NALF1: variants seen among roughly 807,000 people sequenced by gnomAD.
The protein encoded by NALF1 is NALCN channel auxiliary factor 1, also known as family with sequence similarity 155 member A.
In NALF1, 3 loss-of-function variants were observed where a neutral mutation model predicts 48.4. That is an observed-to-expected ratio of 0.06 (90% CI 0.03 to 0.16). NALF1 has a LOEUF of 0.16. Ranked by LOEUF, NALF1 falls within the 10% of genes least tolerant of loss-of-function variation. NALF1 has a pLI of 1.00. For missense variants in NALF1, 526 were observed against 571.5 expected, an observed-to-expected ratio of 0.92 and a Z score of 0.81; for synonymous variants, 262 against 245.7, an observed-to-expected ratio of 1.07 and a Z score of -0.62.
Position 107,866,788 on chromosome 13 carries a change from T to A in NALF1, c.-192A>T. 1 of 592,728 alleles carries A rather than the reference T, an allele frequency of 1.7e-6. No individual in the cohort carries two copies. Among genetic ancestry groups the A allele is most frequent in the East Asian group, 2.8e-5 (1 of 35,380 alleles). The allele number at this position is 592,728 out of a possible 1,614,324, so 36.7% of individuals were successfully genotyped here. A position where few individuals can be genotyped will look rare whatever the true frequency, so the allele number is the denominator to read the frequency against. ...TCTCTCTCCCTCTCCCTCTCTTTTA[T>A]CTCTCTCTGTCTCTTTTGCCTACAT... On this transcript the variant is annotated 5_prime_UTR_variant, in exon 1 of 3. Coordinates refer to ENST00000375915, the MANE Select transcript of NALF1 (RefSeq NM_001080396.3). This position sits in a 1 kb window ranked among gnomAD's most constrained non-coding sequence, Gnocchi z 4.4.
intron 1 of NALF1, among the ~76,000 whole-genome samples, 154 bp downstream of exon 1, chr13:107,865,528 C>T (rs1054623724): frequency 6.6e-6 from 1 of 152,056 alleles, no homozygotes; most frequent in African/African-American, 2.4e-5. Context: ...CAGGTATTCT[C>T]ATCTCAAACA....
chr13:107,866,360 CTG>C lies in NALF1; in HGVS notation c.235_236del (p.Gln79AlafsTer148), dbSNP rs1566511786. On this transcript the variant is annotated frameshift_variant, in exon 1 of 3. Coordinates refer to ENST00000375915, the MANE Select transcript of NALF1 (RefSeq NM_001080396.3). LOFTEE classifies it high-confidence loss of function. This position sits in a 1 kb window ranked among gnomAD's most constrained non-coding sequence, Gnocchi z 4.4. ...GCCTCTGCTGCTGCTGCTGCTGCTG[CTG>C]CTGCCGCTGCTGCTGCTGGTGCTCC... is the stretch of plus-strand genomic sequence containing the variant. ...DKEHQQQQRQ[Q>X]QQQQQQQRQR... 1 of 1,571,818 alleles carries C rather than the reference CTG, an allele frequency of 6.4e-7. No individual in the cohort carries two copies.
rs995232792 is a variant in NALF1 at position 107,600,484 on chromosome 13, T to A, written c.915+265198A>T. On this transcript the variant is annotated intron_variant, in intron 1 of 2. Transcript: ENST00000375915. Reference sequence around the variant, plus strand: ...AAATGGCCAGATATTCTAACTATGTTATTTTAATAAGGTTTTAATTCAATA... The same window carrying A: ...AAATGGCCAGATATTCTAACTATGTAATTTTAATAAGGTTTTAATTCAATA... Among the ~76,000 whole-genome samples the A allele has an allele frequency of 5.3e-4, 67 of 125,870 alleles. 1 individual carries two copies. The highest frequency in any genetic ancestry group is 1.6e-3 in the African/African-American group (55 of 33,904). 82.6% of individuals were successfully genotyped at this position (125,870 alleles called of 152,430 possible).
intron 1 of NALF1, among the ~76,000 whole-genome samples, chr13:107,412,595 G>A (rs1176696301): frequency 6.6e-6 from 1 of 152,130 alleles, no homozygotes; most frequent in Admixed American, 6.5e-5. Flanking sequence ...TTGTGCCCCT[G>A]CAGCAAGTCA....
intron 1 of NALF1, among the ~76,000 whole-genome samples, chr13:107,738,529 A>C (rs1445924139): frequency 6.6e-6 from 1 of 152,224 alleles, no homozygotes; most frequent in Non-Finnish European, 1.5e-5. Context: ...CCTGAGAATA[A>C]ACAAAGAAAT....
intron 1 of NALF1, among the ~76,000 whole-genome samples, chr13:107,445,503 A>G (rs1269559545): frequency 6.6e-6 from 1 of 152,238 alleles, no homozygotes; most frequent in East Asian, 1.9e-4. Flanking sequence ...TTGGGCTACT[A>G]CAAATAGAGC....
chr13:107,639,996 C>A (rs1297452309), intron 1 of NALF1, among the ~76,000 whole-genome samples: 1 of 152,120 alleles, frequency 6.6e-6, no homozygotes, highest in Admixed American at 6.6e-5. Context: ...AATCAAACAT[C>A]ATCCAGGCAA....
chr13:107,412,680 A>AT (rs1320560955), intron 1 of NALF1, among the ~76,000 whole-genome samples: 1 of 152,244 alleles, frequency 6.6e-6, no homozygotes, highest in Non-Finnish European at 1.5e-5. Flanking sequence ...GTAACACAGC[A>AT]TAAGACAATT....
Position 107,516,986 on chromosome 13 carries a change from TA to T in NALF1, c.916-306232del, listed in dbSNP as rs559095041. 7.8e-4 allele frequency among the ~76,000 whole-genome samples: 119 copies of T among 152,246 alleles called. No homozygotes were observed. In the Middle Eastern group the frequency reaches 0.014, roughly 17 times the overall value. Reference sequence around the variant, plus strand: ...AGGCTGACATCTGTGGATGAAGAGGTAGGATGGTGCCAGGCTATAGTTGGAA... The same window carrying T: ...AGGCTGACATCTGTGGATGAAGAGGTGGATGGTGCCAGGCTATAGTTGGAA... On this transcript the variant is annotated intron_variant, in intron 1 of 2. Transcript: ENST00000375915.
intron 1 of NALF1, among the ~76,000 whole-genome samples, chr13:107,666,591 G>T (rs1594193829): frequency 6.6e-6 from 1 of 152,096 alleles, no homozygotes; most frequent in African/African-American, 2.4e-5. Context: ...GATGGCTATG[G>T]CCTTGACTAT....
intron 2 of NALF1, among the ~76,000 whole-genome samples, chr13:107,181,222 C>A (rs1220779391): frequency 1.3e-5 from 2 of 151,410 alleles, no homozygotes; most frequent in Non-Finnish European, 3.0e-5. Flanking sequence ...TATGTGAATT[C>A]TTCATCTTTC....
intron 1 of NALF1, among the ~76,000 whole-genome samples, chr13:107,272,985 A>T (rs1043385923): frequency 1.3e-5 from 2 of 152,248 alleles, no homozygotes; most frequent in Admixed American, 6.5e-5. Context: ...GGTTCAGGAC[A>T]TGCTACCCAA....
intron 2 of NALF1, among the ~76,000 whole-genome samples, chr13:107,173,100 A>G (rs922982337): frequency 2.6e-5 from 4 of 152,110 alleles, no homozygotes; most frequent in Non-Finnish European, 5.9e-5. Flanking sequence ...CCACATCTCA[A>G]ATTCTTCTTT....
intron 1 of NALF1, among the ~76,000 whole-genome samples, chr13:107,638,697 C>T (rs1305121271): frequency 3.9e-5 from 6 of 152,134 alleles, no homozygotes; most frequent in Admixed American, 3.3e-4. Flanking sequence ...GTCAGGAAGA[C>T]CTCTCTGAAG....
chr13:107,804,376 C>T (rs575393756), intron 1 of NALF1, among the ~76,000 whole-genome samples: 2 of 151,954 alleles, frequency 1.3e-5, no homozygotes, highest in African/African-American at 4.8e-5. Context: ...TTCCCACTTC[C>T]CTTTCCTTGA....
chr13:107,552,462 C>A (rs1001268895), intron 1 of NALF1, among the ~76,000 whole-genome samples: 2 of 152,090 alleles, frequency 1.3e-5, no homozygotes, highest in African/African-American at 4.8e-5. Context: ...GAATTTCCTT[C>A]TTTACAGGGG....
chr13:107,305,003 A>G (rs1247533140), intron 1 of NALF1, among the ~76,000 whole-genome samples: 1 of 152,238 alleles, frequency 6.6e-6, no homozygotes, highest in Non-Finnish European at 1.5e-5. Context: ...CATGGTGATA[A>G]TAAGCTATTA....
intron 1 of NALF1, among the ~76,000 whole-genome samples, chr13:107,864,443 A>C (rs980158661): frequency 1.3e-5 from 2 of 152,196 alleles, no homozygotes; most frequent in African/African-American, 4.8e-5. Context: ...AAAATCACAA[A>C]ATTATTTGAT....
rs567622572 is a variant in NALF1, at chr13:107,594,754, T to G, written c.915+270928A>C. ...CAATTTTCTTTATTAGTGAGAAAACTAAAGTAAATTAATATTGTTTTTCCT... is the reference window on the plus strand; with the variant it reads ...CAATTTTCTTTATTAGTGAGAAAACGAAAGTAAATTAATATTGTTTTTCCT... On this transcript the variant is annotated intron_variant, in intron 1 of 2. Transcript: ENST00000375915. 6.6e-5 allele frequency among the ~76,000 whole-genome samples: 10 copies of G among 152,160 alleles called. No individual in the cohort carries two copies. In the East Asian group the frequency reaches 1.9e-3, roughly 29 times the overall value.
Sources: gnomAD v4.1 joint callset for allele counts (sites outside exome capture counted in the v4.1 genomes callset) on GRCh38, gnomAD v4.1.1 for gene constraint, Gnocchi (gnomAD v3.1) non-coding constraint, MANE v1.5 for transcripts, NCBI Gene and HGNC (gene_info 2026-07-23, HGNC 2026-07-21) for gene names.